The following RAE1 variants were observed in gnomAD, a reference collection of about 807,000 sequenced individuals.
RAE1 encodes ribonucleic acid export 1.
In RAE1, 13 loss-of-function variants were observed where a neutral mutation model predicts 52.7. The observed-to-expected ratio is 0.25, with a 90% CI of 0.16 to 0.39. The LOEUF is 0.39. Ranked by LOEUF, RAE1 falls within the 10% of genes least tolerant of loss-of-function variation. The pLI, the probability that RAE1 is intolerant of heterozygous loss-of-function variation, is 1.00. For missense variants in RAE1, 262 were observed against 459.8 expected (o/e 0.57, Z 3.93); for synonymous variants, 164 against 153.1 (o/e 1.07, Z -0.52).
intron 5 of RAE1, among the ~76,000 whole-genome samples, chr20:57,366,496 C>T (rs1451898896): frequency 6.6e-6 from 1 of 152,196 alleles, no homozygotes; most frequent in African/African-American, 2.4e-5. Context: ...TACTTTACAA[C>T]AGCCAGATCT....
intron 1 of RAE1, among the ~76,000 whole-genome samples, chr20:57,352,338 A>T (rs890831695): frequency 6.6e-6 from 1 of 152,208 alleles, no homozygotes; most frequent in Middle Eastern, 3.4e-3. Flanking sequence ...AGCTGTGGGG[A>T]GGGAGAAGCA....
At position 57,374,694 on chromosome 20, in the gene RAE1, A is replaced by T; in HGVS notation, c.913A>T (p.Arg305Ter). The change falls in exon 11 of 12, where the codon AGA becomes TGA. Residue 305 changes from arginine to a stop codon, truncating the protein, a stop_gained. Transcript: ENST00000395841. LOFTEE classifies it high-confidence loss of function. Reference sequence around the variant, plus strand: ...ATTCAGCTTCTGGGACAAAGATGCCAGAACAAAACTAAAAACTTCGGAACA... The same window carrying T: ...ATTCAGCTTCTGGGACAAAGATGCCTGAACAAAACTAAAAACTTCGGAACA... ...GRFSFWDKDA[R>*]TKLKTSEQLD... 6.2e-7 allele frequency: 1 copy of T among 1,614,220 alleles called. No homozygotes were observed. Among genetic ancestry groups the T allele is most frequent in the Non-Finnish European group, 8.5e-7 (1 of 1,180,018 alleles).
intron 5 of RAE1, 107 bp from the exon 6 acceptor site, chr20:57,366,700 G>A: frequency 9.2e-7 from 1 of 1,088,092 alleles, no homozygotes; most frequent in Non-Finnish European, 1.4e-6. Flanking sequence ...TGTTTGGTAT[G>A]GCCCCAGTAT....
chr20:57,355,221 C>T (rs1369875504), intron 3 of RAE1, among the ~76,000 whole-genome samples: 10 of 152,036 alleles, frequency 6.6e-5, no homozygotes, highest in Non-Finnish European at 1.3e-4. Flanking sequence ...GATACTTACT[C>T]ATCATGTACA....
At chr20:57,357,185 T>G (rs2066801198) in intron 4 of RAE1, among the ~76,000 whole-genome samples, 1 of 152,218 alleles carries the variant, frequency 6.6e-6, no homozygotes, top group African/African-American at 2.4e-5. Flanking sequence ...CTGTGAGTGT[T>G]AAGAAATGCA....
intron 3 of RAE1, among the ~76,000 whole-genome samples, chr20:57,355,605 A>G (rs2066773942): frequency 6.6e-6 from 1 of 152,242 alleles, no homozygotes; most frequent in Admixed American, 6.5e-5. Context: ...TGCATTATCT[A>G]AATTAACCTT....
chr20:57,354,219 C>G, intron 2 of RAE1, 91 bp downstream of exon 2: 1 of 1,096,576 alleles, frequency 9.1e-7, no homozygotes, highest in South Asian at 1.4e-5. Flanking sequence ...TGGGAGCCTC[C>G]TTTAGGCTGA....
intron 11 of RAE1, among the ~76,000 whole-genome samples, chr20:57,376,043 C>T (rs1336134506): frequency 6.6e-6 from 1 of 152,242 alleles, no homozygotes. Flanking sequence ...GGAGACGTCC[C>T]TTGGTTCGGG....
chr20:57,377,865 C>T (rs538134778), intron 11 of RAE1, 148 bp from the exon 12 acceptor site: 68 of 609,910 alleles, frequency 1.1e-4, no homozygotes, highest in African/African-American at 9.0e-4. Context: ...AGTTCTGCTT[C>T]GCATTTGACT....
At chr20:57,369,921 T>G (rs909518032) in intron 8 of RAE1, among the ~76,000 whole-genome samples, 4 of 152,152 alleles carry the variant, frequency 2.6e-5, no homozygotes, top group African/African-American at 9.7e-5. Flanking sequence ...GTGGAAGCCG[T>G]CCTGCTAAGG....
chr20:57,353,954 G>A, intron 1 of RAE1, 78 bp from the exon 2 acceptor site: 1 of 1,271,750 alleles, frequency 7.9e-7, no homozygotes, highest in Admixed American at 1.9e-5. Flanking sequence ...TTTCTCTTCT[G>A]CCAGTTAATT....
chr20:57,376,121 C>T (rs564795931), intron 11 of RAE1, among the ~76,000 whole-genome samples: 64 of 152,340 alleles, frequency 4.2e-4, no homozygotes, highest in Non-Finnish European at 8.7e-4. Context: ...CTCCCTGAGG[C>T]CCCGAACTTA....
chr20:57,352,238 T>C (rs2066721374), intron 1 of RAE1, among the ~76,000 whole-genome samples: 1 of 152,230 alleles, frequency 6.6e-6, no homozygotes. Context: ...TGCGTAAACA[T>C]GGCAAGTTCA....
chr20:57,363,073 C>T (rs1423275979), intron 4 of RAE1, among the ~76,000 whole-genome samples: 1 of 152,242 alleles, frequency 6.6e-6, no homozygotes, highest in Non-Finnish European at 1.5e-5. Flanking sequence ...TGAGCCACCA[C>T]GCCTGGCCAG....
At chr20:57,351,861 C>T (rs540711625) in intron 1 of RAE1, 5 of 985,412 alleles carry the variant, frequency 5.1e-6, no homozygotes, top group Non-Finnish European at 6.0e-6. Flanking sequence ...CTGTCTTAGC[C>T]CGCCAAGTAT....
intron 4 of RAE1, among the ~76,000 whole-genome samples, chr20:57,365,106 C>G (rs975249476): frequency 4.6e-5 from 7 of 152,154 alleles, no homozygotes; most frequent in Non-Finnish European, 7.3e-5. Flanking sequence ...TTTGTTTTCA[C>G]TAGTTTGTGA....
chr20:57,355,793 G>A lies in RAE1; in HGVS notation c.196-653G>A, dbSNP rs971768681. 2.6e-5 allele frequency among the ~76,000 whole-genome samples: 4 copies of A among 152,200 alleles called. No individual in the cohort carries two copies. In the South Asian group the frequency reaches 8.3e-4, roughly 31 times the overall value. ...GGTTAGGAGAACAGGAGGGAGGATG[G>A]TAGTCAAGGTTGAGCAAGCTTGCTT... On this transcript the variant is annotated intron_variant, in intron 3 of 11. Transcript: ENST00000395841.
chr20:57,373,563 A>G lies in RAE1; in HGVS notation c.731A>G (p.Tyr244Cys). 2.5e-6 allele frequency: 4 copies of G among 1,614,050 alleles called. No homozygotes were observed. The highest frequency in any genetic ancestry group is 2.5e-6 in the Non-Finnish European group (3 of 1,179,936). Residue 244 changes from tyrosine to cysteine, a missense_variant, in exon 9 of 12, where the codon TAT becomes TGT. Tyr to Cys is a radical substitution (Grantham distance 194). Coordinates refer to ENST00000395841, the MANE Select transcript of RAE1 (RefSeq NM_003610.4). ...GSIEGRVAIHYINPPNPAKDN... is the reference protein window; with the variant it reads ...GSIEGRVAIHCINPPNPAKDN... Reference sequence around the variant, plus strand: ...ATCGAGGGGAGAGTTGCTATTCACTATATCAACCCCCCGAACCCGTAAGTG... The same window carrying G: ...ATCGAGGGGAGAGTTGCTATTCACTGTATCAACCCCCCGAACCCGTAAGTG...
intron 11 of RAE1, among the ~76,000 whole-genome samples, chr20:57,377,060 C>G: frequency 6.6e-6 from 1 of 152,196 alleles, no homozygotes. Flanking sequence ...GTCATGATCA[C>G]ATATGATTGA....
Sources: allele counts gnomAD v4.1 joint callset (sites outside exome capture counted in the v4.1 genomes callset), GRCh38; gene constraint gnomAD v4.1.1; transcripts MANE v1.5; gene names NCBI Gene and HGNC (gene_info 2026-07-23, HGNC 2026-07-21).